SLC2A9: variants seen among roughly 807,000 people sequenced by gnomAD.
SLC2A9 encodes the protein solute carrier family 2 member 9, also known as solute carrier family 2, facilitated glucose transporter member 9.
SLC2A9 carries 39 observed loss-of-function variants against 50.6 expected under a neutral mutation model. The ratio of observed to expected loss-of-function variants is 0.77; its 90% CI spans 0.60 to 1.01. The LOEUF is 1.01. Among genes scored for constraint, SLC2A9 ranks in the 50% least tolerant of loss-of-function variants. The probability of loss-of-function intolerance (pLI) is 0.00; values close to 1 mark genes in which losing one functional copy is unlikely to be tolerated. For missense variants in SLC2A9, 686 were observed against 677.6 expected, an observed-to-expected ratio of 1.01 and a Z score of -0.14; for synonymous variants, 324 against 276.9, an observed-to-expected ratio of 1.17 and a Z score of -1.69.
intron 5 of SLC2A9, among the ~76,000 whole-genome samples, chr4:9,972,765 C>T (rs1754119011): frequency 6.6e-6 from 1 of 152,150 alleles, no homozygotes; most frequent in African/African-American, 2.4e-5. Flanking sequence ...AGAGACATAA[C>T]ATACCAAAAT....
chr4:9,950,100 C>G (rs1305087770), intron 5 of SLC2A9, among the ~76,000 whole-genome samples: 1 of 152,188 alleles, frequency 6.6e-6, no homozygotes, highest in African/African-American at 2.4e-5. Flanking sequence ...CAATGTCACC[C>G]TCTCCACACC....
downstream of SLC2A9, among the ~76,000 whole-genome samples, chr4:9,823,224 G>A (rs1056553435): frequency 1.3e-5 from 2 of 152,058 alleles, no homozygotes; most frequent in African/African-American, 4.8e-5. Flanking sequence ...TAAGACAAGG[G>A]CCTAATCCCC....
rs758342458 is a variant in SLC2A9, at chr4:9,985,769, A to G, written c.435T>C (p.Asn145=). 6.2e-7 allele frequency: 1 copy of G among 1,614,012 alleles called. No homozygotes were observed. The highest frequency in any genetic ancestry group is 1.1e-5 in the South Asian group (1 of 91,078). Residue 145 remains asparagine, a synonymous_variant, in exon 4 of 12, where the codon AAT becomes AAC. Transcript: ENST00000264784. ...LGRKHTLLAN[N]GFAISAALLM... The stretch of plus-strand genomic sequence containing the variant: ...GCAATGCAGCAGAAATTGCAAACCC[A>G]TTATTGGCCAGCAAAGTGTGCTTCC...
At chr4:9,848,340 A>G (rs1729303636) in intron 10 of SLC2A9, among the ~76,000 whole-genome samples, 1 of 145,468 alleles carries the variant, frequency 6.9e-6, no homozygotes, top group Non-Finnish European at 1.5e-5. Context: ...GTCTCACCAC[A>G]TGGGATGTGT....
At chr4:9,846,770 AAAAG>A (rs1268039319) in intron 10 of SLC2A9, among the ~76,000 whole-genome samples, 5 of 152,320 alleles carry the variant, frequency 3.3e-5, no homozygotes, top group African/African-American at 1.2e-4. Flanking sequence ...ATTTTTACAT[AAAAG>A]AAATAAAGTG....
chr4:9,965,167 T>C (rs7663097), intron 5 of SLC2A9, among the ~76,000 whole-genome samples: 73,473 of 152,042 alleles, frequency 0.48, 19,115 homozygotes, highest in African/African-American at 0.67. Flanking sequence ...AAATTAGGCT[T>C]GGAGAGGTTA....
intron 7 of SLC2A9, among the ~76,000 whole-genome samples, chr4:9,914,670 G>A (rs988719929): frequency 4.6e-5 from 7 of 152,110 alleles, no homozygotes; most frequent in Non-Finnish European, 8.8e-5. Context: ...GGAGTCTGTG[G>A]GCTGGACAGA....
intron 3 of SLC2A9, among the ~76,000 whole-genome samples, chr4:9,814,727 A>T (rs910341590): frequency 1.4e-4 from 22 of 152,112 alleles, no homozygotes; most frequent in Non-Finnish European, 5.9e-5. Flanking sequence ...ATGTGATGAC[A>T]TCAGCATTCT....
chr4:9,910,008 T>TG (rs891557957), intron 7 of SLC2A9, among the ~76,000 whole-genome samples: 5 of 152,168 alleles, frequency 3.3e-5, no homozygotes, highest in Admixed American at 2.6e-4. Flanking sequence ...ATTCATGCAT[T>TG]GGGGGGAAGA....
chr4:9,774,677 G>C (rs960053449), intron 1 of SLC2A9, among the ~76,000 whole-genome samples: 10 of 152,008 alleles, frequency 6.6e-5, no homozygotes. Context: ...CCTGAATTTT[G>C]AGGTCCAAAG....
intron 3 of SLC2A9, among the ~76,000 whole-genome samples, chr4:9,802,101 G>A (rs977956069): frequency 6.6e-6 from 1 of 152,122 alleles, no homozygotes; most frequent in South Asian, 2.1e-4. Context: ...CCAATGATGG[G>A]CTTATCAGCA....
intron 2 of SLC2A9, among the ~76,000 whole-genome samples, chr4:10,000,964 A>T (rs536834310): frequency 6.6e-6 from 1 of 152,292 alleles, no homozygotes; most frequent in East Asian, 1.9e-4. Flanking sequence ...GTTGAATTGT[A>T]TCTAACCTCA....
At chr4:9,980,480 T>C (rs901163405) in intron 5 of SLC2A9, 112 bp downstream of exon 5, 5 of 1,453,490 alleles carry the variant, frequency 3.4e-6, no homozygotes, top group African/African-American at 2.8e-5. Flanking sequence ...AGTAAGAGGC[T>C]TGAATACCAG....
chr4:9,987,492 T>A (rs1362568529), intron 3 of SLC2A9, among the ~76,000 whole-genome samples: 1 of 152,050 alleles, frequency 6.6e-6, no homozygotes, highest in Non-Finnish European at 1.5e-5. Flanking sequence ...TTACGGCTTA[T>A]TTTTTTTCCT....
chr4:9,925,907 A>G (rs1461510282), intron 6 of SLC2A9, among the ~76,000 whole-genome samples: 1 of 152,014 alleles, frequency 6.6e-6, no homozygotes, highest in Non-Finnish European at 1.5e-5. Flanking sequence ...GCATGGTGTG[A>G]TTTTCCAATG....
At chr4:9,935,591 C>T (rs1012692818) in intron 6 of SLC2A9, among the ~76,000 whole-genome samples, 1 of 152,216 alleles carries the variant, frequency 6.6e-6, no homozygotes, top group Non-Finnish European at 1.5e-5. Flanking sequence ...ACCAGAACTC[C>T]TGACCCCTGC....
rs114949385 is a variant in SLC2A9, at chr4:9,926,569, C to T, written c.815-5997G>A. Among the ~76,000 whole-genome samples, 391 of 151,878 alleles carry T rather than the reference C, an allele frequency of 2.6e-3. 1 individual carries two copies. The highest frequency in any genetic ancestry group is 4.4e-3 in the Non-Finnish European group (301 of 67,992). On this transcript the variant is annotated intron_variant, in intron 6 of 11. Transcript: ENST00000264784. The stretch of plus-strand genomic sequence containing the variant: ...GGAGCATTATGAATATACATGCTAT[C>T]ACTGTGGGGTACTTGCTACATTCTC...
chr4:9,938,419 CTGCCA>C (rs1464482064), intron 6 of SLC2A9, among the ~76,000 whole-genome samples: 1 of 152,006 alleles, frequency 6.6e-6, no homozygotes, highest in Admixed American at 6.6e-5. Flanking sequence ...CTACAGGCGC[CTGCCA>C]ACACGCCCGG....
At chr4:9,893,397 CA>C (rs1317333115) in intron 8 of SLC2A9, among the ~76,000 whole-genome samples, 2 of 151,498 alleles carry the variant, frequency 1.3e-5, no homozygotes, top group Admixed American at 1.3e-4. Flanking sequence ...TTCTCATTTG[CA>C]GGGGGAGGGC....
Sources: allele counts gnomAD v4.1 joint callset (sites outside exome capture counted in the v4.1 genomes callset), GRCh38; gene constraint gnomAD v4.1.1; transcripts MANE v1.5; gene names NCBI Gene and HGNC (gene_info 2026-07-23, HGNC 2026-07-21).